Variants in TRPA1 observed in about 807,000 individuals in gnomAD.
TRPA1 encodes transient receptor potential cation channel subfamily A member 1, also known as ankyrin-like with transmembrane domains 1.
A neutral mutation model predicts 131.3 loss-of-function variants in TRPA1; 129 were observed. The ratio of observed to expected loss-of-function variants is 0.98; its 90% confidence interval spans 0.85 to 1.14. The LOEUF is 1.14. Among genes scored for constraint, TRPA1 ranks in the 50% most tolerant of loss-of-function variants. The pLI, the probability that TRPA1 is intolerant of heterozygous loss-of-function variation, is 0.00. For missense variants in TRPA1, 1,304 were observed against 1,354.2 expected (o/e 0.96, Z 0.58); for synonymous variants, 441 against 451.7 (o/e 0.98, Z 0.30).
chr8:72,073,116 C>G (rs1046453010), intron 1 of TRPA1, among the ~76,000 whole-genome samples: 1 of 152,138 alleles, frequency 6.6e-6, no homozygotes, highest in Non-Finnish European at 1.5e-5. Context: ...ACATAATAGA[C>G]TAGATCACTT....
chr8:72,029,919 C>T lies in TRPA1; in HGVS notation c.2919G>A (p.Leu973=). ...CACTTACCTGCATAGCTATCCTCTT[C>T]AATGATGCATGTTTCTGGACCTCAG... is the stretch of plus-strand genomic sequence containing the variant. ...DIAEVQKHAS[L]KRIAMQVELH... Residue 973 remains leucine, a synonymous_variant, in exon 24 of 27, where the codon TTG becomes TTA. Transcript: ENST00000262209. 10 of 1,613,936 alleles carry T rather than the reference C, an allele frequency of 6.2e-6. No homozygotes were observed. Among genetic ancestry groups the T allele is most frequent in the Non-Finnish European group, 8.5e-6 (10 of 1,179,858 alleles).
At chr8:72,062,348 A>G (rs1311863019) in intron 6 of TRPA1, 1 of 180,764 alleles carries the variant, frequency 5.5e-6, no homozygotes, top group East Asian at 1.5e-4. Context: ...ACTTTTGGTC[A>G]GAGATGCCTG....
upstream of TRPA1, chr8:72,075,603 C>T (rs1350688065): frequency 5.0e-6 from 3 of 601,214 alleles, no homozygotes; most frequent in Non-Finnish European, 8.9e-6. Context: ...CTCAGGCCCG[C>T]GCTACTTTTG....
intron 2 of TRPA1, among the ~76,000 whole-genome samples, chr8:72,070,850 T>C (rs1388023021): frequency 6.6e-6 from 1 of 152,188 alleles, no homozygotes; most frequent in Non-Finnish European, 1.5e-5. Context: ...GTGTGCTGGA[T>C]ATTTCCAACT....
upstream of TRPA1, among the ~76,000 whole-genome samples, chr8:72,075,982 A>G (rs78841650): frequency 0.02 from 2,981 of 151,854 alleles, 92 homozygotes; most frequent in African/African-American, 0.068. Flanking sequence ...TTTAGTTTTC[A>G]GGAGTTTTTT....
Position 72,057,799 on chromosome 8 carries a change from C to T in TRPA1, c.1011G>A (p.Lys337=). The T allele has an allele frequency of 1.2e-6, 2 of 1,613,434 alleles. No individual in the cohort carries two copies. The highest frequency in any genetic ancestry group is 1.7e-6 in the Non-Finnish European group (2 of 1,179,476). ...YLISVGADIN[K]IDSEGRSPLI... is the part of the protein sequence containing the mutation. The stretch of plus-strand genomic sequence containing the variant: ...GTGGAGAGCGTCCTTCAGAATCGAT[C>T]TTATTAATATCTGCTCCCTAAAAAT... The change falls in exon 9 of 27, where the codon AAG becomes AAA. Residue 337 remains lysine (K), a synonymous_variant. Transcript: ENST00000262209.
chr8:72,062,943 A>C lies in TRPA1; in HGVS notation c.663T>G (p.Gly221=). The change falls in exon 6 of 27, where the codon GGT becomes GGG. Residue 221 remains glycine (G), a splice_region_variant and synonymous_variant. Transcript: ENST00000262209. ...ACTGTCTACTGTACCCATGCTCTTCACCTTGAGAAGAAAATAACATTCAAC... is the reference window on the plus strand; with the variant it reads ...ACTGTCTACTGTACCCATGCTCTTCCCCTTGAGAAGAAAATAACATTCAAC... The part of the protein sequence containing the change: ...KECMEIILRF[G]EEHGYSRQLH... 6.2e-7 allele frequency: 1 copy of C among 1,613,532 alleles called. No individual in the cohort carries two copies. The highest frequency in any genetic ancestry group is 8.5e-7 in the Non-Finnish European group (1 of 1,179,636).
intron 23 of TRPA1, 147 bp downstream of exon 23, chr8:72,033,497 C>G: frequency 2.6e-6 from 2 of 770,174 alleles, no homozygotes; most frequent in Admixed American, 5.2e-5. Context: ...GCTCCCCAGG[C>G]ACCAAGTGAG....
chr8:72,056,118 C>A (rs1805661930), intron 10 of TRPA1: 1 of 506,418 alleles, frequency 2.0e-6, no homozygotes, highest in Non-Finnish European at 3.5e-6. Flanking sequence ...GGAAAATGTA[C>A]TTAACATTTT....
intron 23 of TRPA1, among the ~76,000 whole-genome samples, chr8:72,031,612 A>G (rs1201347464): frequency 6.6e-6 from 1 of 151,954 alleles, no homozygotes; most frequent in African/African-American, 2.4e-5. Context: ...AAACAAAAAA[A>G]CAAAAAACAA....
At chr8:72,024,717 T>C (rs1220005329) in intron 25 of TRPA1, among the ~76,000 whole-genome samples, 4 of 152,128 alleles carry the variant, frequency 2.6e-5, no homozygotes, top group Non-Finnish European at 5.9e-5. Context: ...CAAGTGGAGA[T>C]GTCAAGTAGG....
chr8:72,059,912 C>G (rs1333614004), intron 7 of TRPA1, among the ~76,000 whole-genome samples: 1 of 152,008 alleles, frequency 6.6e-6, no homozygotes, highest in Non-Finnish European at 1.5e-5. Context: ...TTTATGAAGC[C>G]AAAAATAATT....
intron 15 of TRPA1, among the ~76,000 whole-genome samples, chr8:72,049,948 A>T (rs948415483): frequency 8.6e-5 from 13 of 151,018 alleles, no homozygotes; most frequent in African/African-American, 9.7e-5. Flanking sequence ...TTTTTTTTTT[A>T]ATTTTTATTT....
Position 72,042,981 on chromosome 8 carries a change from TTGAG to T in TRPA1, c.2062-3188_2062-3185del, listed in dbSNP as rs558595430. Among the ~76,000 whole-genome samples the T allele has an allele frequency of 6.2e-3, 937 of 152,008 alleles. 3 individuals are homozygous for T. The highest frequency in any genetic ancestry group is 0.01 in the Middle Eastern group (3 of 294). The stretch of plus-strand genomic sequence containing the variant: ...AACATGAAATAATTTTAGACATCTC[TTGAG>T]TAACAATGTGAAAATACTTGACACT... On this transcript the variant is annotated intron_variant, in intron 17 of 26. Coordinates refer to ENST00000262209, the MANE Select transcript of TRPA1 (RefSeq NM_007332.3).
At chr8:72,040,293 G>GA (rs1812209053) in intron 17 of TRPA1, among the ~76,000 whole-genome samples, 1 of 152,040 alleles carries the variant, frequency 6.6e-6, no homozygotes, top group African/African-American at 2.4e-5. Context: ...TAAATAGAGG[G>GA]ACTGATGCCA....
intron 23 of TRPA1, among the ~76,000 whole-genome samples, chr8:72,032,176 C>T (rs191360262): frequency 6.6e-5 from 10 of 152,242 alleles, no homozygotes; most frequent in African/African-American, 2.4e-4. Context: ...GCTTGCTATG[C>T]TGATGGGTTT....
Position 72,062,870 on chromosome 8 carries a change from C to A in TRPA1, c.736G>T (p.Ala246Ser). ...ATTTCCAAGTCACCATTTTGCACAG[C>A]CAGGTGGAGAGGGGTGGCTTTCCCA... ...NNGKATPLHL[A>S]VQNGDLEMIK... The change falls in exon 6 of 27, where the codon GCT becomes TCT. Residue 246 changes from alanine (A) to serine (S), a missense_variant. Coordinates refer to ENST00000262209, the MANE Select transcript of TRPA1 (RefSeq NM_007332.3). 6.2e-7 allele frequency: 1 copy of A among 1,613,964 alleles called. No individual in the cohort carries two copies. Among genetic ancestry groups the A allele is most frequent in the African/African-American group, 1.3e-5 (1 of 75,000 alleles).
chr8:72,083,760 C>T, the TRPA1 span, among the ~76,000 whole-genome samples: 1 of 150,490 alleles, frequency 6.6e-6, no homozygotes, highest in African/African-American at 2.5e-5. Context: ...AAACAAAAAA[C>T]GAACAAACAA....
At chr8:72,058,843 G>A (rs370594840) in intron 8 of TRPA1, among the ~76,000 whole-genome samples, 2 of 152,130 alleles carry the variant, frequency 1.3e-5, no homozygotes, top group South Asian at 2.1e-4. Flanking sequence ...ACATTCATCC[G>A]TATAAAGGGC....
Sources: gnomAD v4.1 joint callset for allele counts (sites outside exome capture counted in the v4.1 genomes callset) on GRCh38, gnomAD v4.1.1 for gene constraint, MANE v1.5 for transcripts, NCBI Gene and HGNC (gene_info 2026-07-23, HGNC 2026-07-21) for gene names.